The following SGIP1 variants were observed in gnomAD, a reference collection of about 807,000 sequenced individuals.
SGIP1 encodes the protein SH3GL interacting endocytic adaptor 1.
Under a neutral mutation model 107.5 loss-of-function variants are expected in SGIP1, and 38 were observed. The observed-to-expected ratio is 0.35, with a 90% CI of 0.27 to 0.46. The LOEUF (loss-of-function observed/expected upper bound fraction) is 0.46. Ranked by LOEUF, SGIP1 falls within the 20% of genes least tolerant of loss-of-function variation. The pLI, the probability that SGIP1 is intolerant of heterozygous loss-of-function variation, is 1.00. For synonymous variants in SGIP1, 365 were observed against 366.1 expected (o/e 1.00, Z 0.03); for missense variants, 929 against 1,019.5 (o/e 0.91, Z 1.21).
At chr1:66,604,496 A>G (rs187834980) in intron 1 of SGIP1, among the ~76,000 whole-genome samples, 4 of 152,352 alleles carry the variant, frequency 2.6e-5, no homozygotes, top group African/African-American at 9.6e-5. Flanking sequence ...GTCGTTTTCT[A>G]CATTAAGCTG....
At chr1:66,670,817 A>T (rs1403738927) in intron 9 of SGIP1, among the ~76,000 whole-genome samples, 178 bp from the exon 10 acceptor site, 2 of 152,200 alleles carry the variant, frequency 1.3e-5, no homozygotes, top group African/African-American at 4.8e-5. Flanking sequence ...GAGTGAAATA[A>T]AAAACTGATT....
At chr1:66,672,483 T>C (rs1249944990) in intron 11 of SGIP1, among the ~76,000 whole-genome samples, 1 of 152,194 alleles carries the variant, frequency 6.6e-6, no homozygotes. Flanking sequence ...GGCATTGTTT[T>C]ATAAAAAGAC....
At chr1:66,705,274 G>A (rs187446390) in intron 18 of SGIP1, among the ~76,000 whole-genome samples, 1 of 152,258 alleles carries the variant, frequency 6.6e-6, no homozygotes, top group African/African-American at 2.4e-5. Flanking sequence ...TATTCACACA[G>A]GCAGCGTGTG....
At chr1:66,684,777 CTT>C (rs1021624284) in intron 15 of SGIP1, among the ~76,000 whole-genome samples, 3 of 152,166 alleles carry the variant, frequency 2.0e-5, no homozygotes, top group African/African-American at 7.2e-5. Flanking sequence ...AGAAAGGAAA[CTT>C]TGTTTTCTTT....
rs758044205 is a variant in SGIP1, at chr1:66,694,500, T to G, written c.1571-934T>G. On this transcript the variant is annotated intron_variant, in intron 17 of 24. Transcript: ENST00000371037. ...CGTTTGAAAGGCGCTGTGAAACGCC[T>G]GCAGGTATGGTGCTAGCCAAGTGAT... 10 of 1,602,340 alleles carry G rather than the reference T, an allele frequency of 6.2e-6. No homozygotes were observed. In the East Asian group the frequency reaches 2.0e-4, roughly 32 times the overall value.
At chr1:66,726,149 C>T (rs1282199478) in intron 19 of SGIP1, among the ~76,000 whole-genome samples, 1 of 152,186 alleles carries the variant, frequency 6.6e-6, no homozygotes, top group East Asian at 1.9e-4. Context: ...CCTAGCACTA[C>T]GTAAGCCTTG....
At chr1:66,549,140 TTCCTTCCTTCCTTCCTTCCTTC>T in intron 1 of SGIP1, among the ~76,000 whole-genome samples, 1 of 7,776 alleles carries the variant, frequency 1.3e-4, no homozygotes, top group South Asian at 0.026. Flanking sequence ...GCTACCTGCC[TTCCTTCCTTCCTTCCTTCCTTC>T]CTTCCTTCCT....
At chr1:66,647,031 G>A (rs766028377) in intron 7 of SGIP1, among the ~76,000 whole-genome samples, 13 of 152,282 alleles carry the variant, frequency 8.5e-5, no homozygotes, top group Admixed American at 4.6e-4. Context: ...GGTTGATTTG[G>A]CATCTGTGTA....
chr1:66,694,645 T>A, intron 17 of SGIP1: 1 of 539,098 alleles, frequency 1.9e-6, no homozygotes. Flanking sequence ...GTATATTTAC[T>A]GTTCATCATG....
At chr1:66,685,723 A>G (rs952668890) in intron 15 of SGIP1, among the ~76,000 whole-genome samples, 1 of 152,220 alleles carries the variant, frequency 6.6e-6, no homozygotes, top group African/African-American at 2.4e-5. Context: ...GGTTATTTTA[A>G]TTATAATTTT....
intron 1 of SGIP1, among the ~76,000 whole-genome samples, chr1:66,612,760 T>C (rs1418881060): frequency 6.6e-6 from 1 of 152,228 alleles, no homozygotes; most frequent in Non-Finnish European, 1.5e-5. Flanking sequence ...TGACTGGCAA[T>C]GTAACAAAAC....
intron 1 of SGIP1, among the ~76,000 whole-genome samples, chr1:66,569,071 G>A (rs1004763585): frequency 2.6e-5 from 4 of 151,970 alleles, no homozygotes; most frequent in African/African-American, 9.7e-5. Flanking sequence ...AATTGTATGG[G>A]ATGAGGTACT....
At position 66,546,739 on chromosome 1, in the gene SGIP1, T is replaced by C. The variant is rs1034268848; in HGVS notation, c.10+12371T>C. Among the ~76,000 whole-genome samples, 8 of 152,306 alleles carry C rather than the reference T, an allele frequency of 5.3e-5. No individual in the cohort carries two copies. In the East Asian group the frequency reaches 5.8e-4, roughly 11 times the overall value. ...AGTGACTTTAAATAAGGCTTTAACA[T>C]TGGGGAAAGAAAGCAAGGTAGTGAA... On this transcript the variant is annotated intron_variant, in intron 1 of 24. Coordinates refer to ENST00000371037, the MANE Select transcript of SGIP1 (RefSeq NM_032291.4).
At chr1:66,727,126 G>A (rs2093792478) in intron 19 of SGIP1, among the ~76,000 whole-genome samples, 1 of 152,144 alleles carries the variant, frequency 6.6e-6, no homozygotes, top group African/African-American at 2.4e-5. Context: ...GTCCTTTTAA[G>A]AGAAAGAAAA....
intron 3 of SGIP1, among the ~76,000 whole-genome samples, chr1:66,635,097 C>T (rs1432996440): frequency 2.0e-5 from 3 of 152,240 alleles, no homozygotes; most frequent in Non-Finnish European, 4.4e-5. Flanking sequence ...CTACCTAATG[C>T]TTATAAACTA....
chr1:66,658,200 G>A (rs774017039), intron 7 of SGIP1, among the ~76,000 whole-genome samples: 2 of 152,168 alleles, frequency 1.3e-5, no homozygotes, highest in Middle Eastern at 6.3e-3. Flanking sequence ...ATAAGTAAGA[G>A]TTTTAGTTCA....
chr1:66,664,953 T>C (rs891622267), intron 8 of SGIP1, among the ~76,000 whole-genome samples: 2 of 152,130 alleles, frequency 1.3e-5, no homozygotes, highest in Non-Finnish European at 2.9e-5. Context: ...ATCTGCTTGT[T>C]GTGCTTTTGT....
At position 66,622,817 on chromosome 1, in the gene SGIP1, G is replaced by A. The variant is rs55809527; in HGVS notation, c.11-3030G>A. ...GGGAAGAGTCATCACATTTCTTAAG[G>A]GACGCTTAGTTTTTGCCCTCCCATT... On this transcript the variant is annotated intron_variant, in intron 1 of 24. Coordinates refer to ENST00000371037, the MANE Select transcript of SGIP1 (RefSeq NM_032291.4). 3.4e-3 allele frequency among the ~76,000 whole-genome samples: 512 copies of A among 152,168 alleles called. 2 individuals carry two copies. Among genetic ancestry groups the A allele is most frequent in the African/African-American group, 0.011 (446 of 41,514 alleles).
chr1:66,649,680 A>G (rs1340047922), intron 7 of SGIP1, among the ~76,000 whole-genome samples: 1 of 152,208 alleles, frequency 6.6e-6, no homozygotes, highest in African/African-American at 2.4e-5. Context: ...AAGGAGGCTA[A>G]ATAAAATAAT....
Sources: gnomAD v4.1 joint callset for allele counts (sites outside exome capture counted in the v4.1 genomes callset) on GRCh38, gnomAD v4.1.1 for gene constraint, MANE v1.5 for transcripts, NCBI Gene and HGNC (gene_info 2026-07-23, HGNC 2026-07-21) for gene names.